Variants in KERA observed in about 807,000 individuals in gnomAD.
The protein encoded by KERA is keratan sulfate proteoglycan keratocan.
Under a neutral mutation model 26.4 loss-of-function variants are expected in KERA, and 25 were observed. The observed-to-expected ratio is 0.95, with a 90% CI of 0.69 to 1.32. The LOEUF (loss-of-function observed/expected upper bound fraction) is 1.32. Among genes scored for constraint, KERA ranks in the 40% most tolerant of loss-of-function variants. The pLI is 0.00. For synonymous variants in KERA, 167 were observed against 146.1 expected, an observed-to-expected ratio of 1.14 and a Z score of -1.03; for missense variants, 434 against 408.9, an observed-to-expected ratio of 1.06 and a Z score of -0.53.
rs377426809 is a variant in KERA, at chr12:91,056,039, G to A, written c.243C>T (p.Asn81=). 1.2e-6 allele frequency: 2 copies of A among 1,608,990 alleles called. No homozygotes were observed. The highest frequency in any genetic ancestry group is 2.7e-5 in the African/African-American group (2 of 74,424). Residue 81 remains asparagine (N), a synonymous_variant, in exon 2 of 3, where the codon AAC becomes AAT. Coordinates refer to ENST00000266719, the MANE Select transcript of KERA (RefSeq NM_007035.4). ...SRIWYLYLQN[N]LIETIPEKPF... Reference sequence around the variant, plus strand: ...GCTTTTCAGGAATGGTTTCTATCAGGTTGTTTTGAAGATAAAGATACCAAA... The same window carrying A: ...GCTTTTCAGGAATGGTTTCTATCAGATTGTTTTGAAGATAAAGATACCAAA...
intron 2 of KERA, among the ~76,000 whole-genome samples, chr12:91,051,737 G>C (rs1332821194): frequency 6.6e-6 from 1 of 151,624 alleles, no homozygotes; most frequent in Non-Finnish European, 1.5e-5. Context: ...TCCATGTTCT[G>C]CTACTTAGTA....
intron 1 of KERA, among the ~76,000 whole-genome samples, chr12:91,056,989 C>T (rs1230045514): frequency 6.6e-6 from 1 of 150,802 alleles, no homozygotes; most frequent in African/African-American, 2.4e-5. Context: ...CTCTCTCTCT[C>T]TCTCTCTCAG....
At position 91,050,582 on chromosome 12, in the gene KERA, A is replaced by G. The variant is rs1475973656; in HGVS notation, c.*764T>C. 6.6e-6 allele frequency: 1 copy of G among 152,042 alleles called. No individual in the cohort carries two copies. The highest frequency in any genetic ancestry group is 1.5e-5 in the Non-Finnish European group (1 of 67,736). The allele number at this position is 152,042 out of a possible 1,614,324, so 9.4% of individuals were successfully genotyped here. ...AGCATTCAATATTTTTATTTAGAAA[A>G]TCCAAAAAACACAATCAAATATAAA... On this transcript the variant is annotated 3_prime_UTR_variant, in exon 3 of 3. Coordinates refer to ENST00000266719, the MANE Select transcript of KERA (RefSeq NM_007035.4).
Position 91,055,717 on chromosome 12 carries a change from T to C in KERA, c.565A>G (p.Lys189Glu). ...VDNAFQRDTF[K>E]GLKNLMQLNM... ...AGCTGCATGAGATTCTTGAGTCCTTTAAAAGTGTCTCTTTGAAAGGCATTG... is the reference window on the plus strand; with the variant it reads ...AGCTGCATGAGATTCTTGAGTCCTTCAAAAGTGTCTCTTTGAAAGGCATTG... Residue 189 changes from lysine (K) to glutamate (E), a missense_variant, in exon 2 of 3, where the codon AAA (lysine) becomes GAA (glutamate). Lys to Glu is a moderately conservative substitution (Grantham distance 56, BLOSUM62 1). Transcript: ENST00000266719. 25 of 1,611,452 alleles carry C rather than the reference T, an allele frequency of 1.6e-5. No homozygotes were observed. Among genetic ancestry groups the C allele is most frequent in the Non-Finnish European group, 2.1e-5 (25 of 1,178,260 alleles).
chr12:91,051,655 T>A, intron 2 of KERA, 137 bp from the exon 3 acceptor site: 1 of 686,850 alleles, frequency 1.5e-6, no homozygotes, highest in Non-Finnish European at 2.6e-6. Context: ...TACAAAACAT[T>A]TGTGTCAGTG....
At position 91,051,250 on chromosome 12, in the gene KERA, G is replaced by T; in HGVS notation, c.*96C>A. ...AATGAAAATGGTGGCCGAGAGCAAT[G>T]GGGAATATGACTTGTGTCCTAAACC... On this transcript the variant is annotated 3_prime_UTR_variant, in exon 3 of 3. Coordinates refer to ENST00000266719, the MANE Select transcript of KERA (RefSeq NM_007035.4). 1 of 1,018,762 alleles carries T rather than the reference G, an allele frequency of 9.8e-7. No individual in the cohort carries two copies. The highest frequency in any genetic ancestry group is 1.5e-6 in the Non-Finnish European group (1 of 655,362). 63.1% of individuals were successfully genotyped at this position (1,018,762 alleles called of 1,614,324 possible). A position where few individuals can be genotyped will look rare whatever the true frequency, so the allele number is the denominator to read the frequency against.
In KERA at chr12:91,055,725, T is replaced by A; in HGVS notation, c.557A>T (p.Asp186Val). ...NKLVDNAFQRDTFKGLKNLMQ... is the reference protein window; with the variant it reads ...NKLVDNAFQRVTFKGLKNLMQ... ...GAGATTCTTGAGTCCTTTAAAAGTG[T>A]CTCTTTGAAAGGCATTGTCCACTAA... is the stretch of plus-strand genomic sequence containing the variant. The change falls in exon 2 of 3, where the codon GAC (aspartate) becomes GTC (valine). Residue 186 changes from aspartate to valine, a missense_variant. By Grantham distance (152) the Asp-to-Val change is radical. Coordinates refer to ENST00000266719, the MANE Select transcript of KERA (RefSeq NM_007035.4). 6.2e-7 allele frequency: 1 copy of A among 1,611,332 alleles called. No homozygotes were observed. The highest frequency in any genetic ancestry group is 1.1e-5 in the South Asian group (1 of 91,040).
intron 1 of KERA, 118 bp downstream of exon 1, chr12:91,057,626 T>A (rs1248808201): frequency 1.3e-5 from 2 of 150,710 alleles, no homozygotes; most frequent in African/African-American, 4.9e-5. Flanking sequence ...CATCATTTTT[T>A]TTTTTCTTTT....
In KERA at chr12:91,050,706, C is replaced by T. The variant is rs1333073766; in HGVS notation, c.*640G>A. 1 of 151,934 alleles carries T rather than the reference C, an allele frequency of 6.6e-6. No homozygotes were observed. Among genetic ancestry groups the T allele is most frequent in the African/African-American group, 2.4e-5 (1 of 41,322 alleles). 9.4% of individuals were successfully genotyped at this position (151,934 alleles called of 1,614,324 possible). On this transcript the variant is annotated 3_prime_UTR_variant, in exon 3 of 3. Coordinates refer to ENST00000266719, the MANE Select transcript of KERA (RefSeq NM_007035.4). ...ATAAAATTTAGAACTTATAAGAATG[C>T]AGTGGACTATATCTAAAAACAACAG...
At chr12:91,052,734 A>C (rs1878897724) in intron 2 of KERA, among the ~76,000 whole-genome samples, 1 of 151,440 alleles carries the variant, frequency 6.6e-6, no homozygotes. Context: ...CTTATTTCAG[A>C]AAGTAAGTGG....
intron 2 of KERA, 34 bp downstream of exon 2, chr12:91,055,362 C>G: frequency 2.5e-6 from 4 of 1,580,888 alleles, no homozygotes; most frequent in Non-Finnish European, 3.5e-6. Flanking sequence ...ACCATGAGCC[C>G]TTTAGTCAAA....
intron 2 of KERA, among the ~76,000 whole-genome samples, chr12:91,054,376 A>G (rs1878938771): frequency 6.6e-6 from 1 of 151,340 alleles, no homozygotes; most frequent in Non-Finnish European, 1.5e-5. Flanking sequence ...TACTTTTGGA[A>G]TGCATTTTCT....
chr12:91,055,778 C>G lies in KERA; in HGVS notation c.504G>C (p.Leu168=), dbSNP rs1187033481. 1 of 1,611,400 alleles carries G rather than the reference C, an allele frequency of 6.2e-7. No homozygotes were observed. Among genetic ancestry groups the G allele is most frequent in the South Asian group, 1.1e-5 (1 of 91,034 alleles). ...TGTTGTTCTGTAGGTCAAGAAGGGT[C>G]AGGTTCTCCAGATTGCTAAAGGTCC... ...PQGTFSNLEN[L]TLLDLQNNKL... Residue 168 remains leucine, a synonymous_variant, in exon 2 of 3, where the codon CTG becomes CTC. Coordinates refer to ENST00000266719, the MANE Select transcript of KERA (RefSeq NM_007035.4).
chr12:91,050,799 C>T lies in KERA; in HGVS notation c.*547G>A, dbSNP rs1467469664. ...TATTTGATATTAAATAACAAGAATT[C>T]TTTAGTGATGAAGTATTTGATTCAT... On this transcript the variant is annotated 3_prime_UTR_variant, in exon 3 of 3. Transcript: ENST00000266719. 2.0e-5 allele frequency: 3 copies of T among 153,550 alleles called. No homozygotes were observed. The highest frequency in any genetic ancestry group is 7.3e-5 in the African/African-American group (3 of 41,356). The allele number at this position is 153,550 out of a possible 1,614,324, so 9.5% of individuals were successfully genotyped here.
intron 1 of KERA, among the ~76,000 whole-genome samples, chr12:91,057,447 A>G (rs182865530): frequency 8.6e-5 from 13 of 150,560 alleles, no homozygotes; most frequent in Admixed American, 7.3e-4. Flanking sequence ...ATAGGATGAA[A>G]TAAATTTTAC....
chr12:91,050,531 C>A lies in KERA; in HGVS notation c.*815G>T, dbSNP rs1025372277. On this transcript the variant is annotated 3_prime_UTR_variant, in exon 3 of 3. Transcript: ENST00000266719. ...GTTCTTTAATGAAGCTTGCTAATTT[C>A]TTTGAAATATTCTGTTTTGTTAGAA... The A allele has an allele frequency of 6.6e-6, 1 of 151,636 alleles. No individual in the cohort carries two copies. Among genetic ancestry groups the A allele is most frequent in the Non-Finnish European group, 1.5e-5 (1 of 67,622 alleles). The allele number at this position is 151,636 out of a possible 1,614,324, so 9.4% of individuals were successfully genotyped here. A position where few individuals can be genotyped will look rare whatever the true frequency, so the allele number is the denominator to read the frequency against.
At chr12:91,053,576 C>G (rs1878916489) in intron 2 of KERA, among the ~76,000 whole-genome samples, 1 of 151,280 alleles carries the variant, frequency 6.6e-6, no homozygotes, top group Admixed American at 6.6e-5. Context: ...CTGTGAGGCC[C>G]AACCTCTGAC....
At chr12:91,055,086 T>C (rs77654056) in intron 2 of KERA, among the ~76,000 whole-genome samples, 1 of 151,186 alleles carries the variant, frequency 6.6e-6, no homozygotes, top group East Asian at 2.0e-4. Flanking sequence ...GCCTACCCAA[T>C]GGGGCAGAAA....
chr12:91,052,595 T>G (rs931781684), intron 2 of KERA, among the ~76,000 whole-genome samples: 2 of 151,536 alleles, frequency 1.3e-5, no homozygotes, highest in Non-Finnish European at 3.0e-5. Context: ...TAAAATCAGG[T>G]TCTCTTTTTT....
Sources: allele counts gnomAD v4.1 joint callset (sites outside exome capture counted in the v4.1 genomes callset), GRCh38; gene constraint gnomAD v4.1.1; transcripts MANE v1.5; gene names NCBI Gene and HGNC (gene_info 2026-07-23, HGNC 2026-07-21).